KCNQ4: variants seen among roughly 807,000 people sequenced by gnomAD.
The protein encoded by KCNQ4 is potassium voltage-gated channel subfamily Q member 4, also known as potassium voltage-gated channel subfamily KQT member 4.
A neutral mutation model predicts 72.6 loss-of-function variants in KCNQ4; 31 were observed. The ratio of observed to expected loss-of-function variants is 0.43; its 90% CI spans 0.32 to 0.58. The LOEUF is 0.58. Among genes scored for constraint, KCNQ4 ranks in the 20% least tolerant of loss-of-function variants. The pLI is 0.08. For missense variants in KCNQ4, 869 were observed against 962.6 expected (o/e 0.90, Z 1.29); for synonymous variants, 405 against 403.7 (o/e 1.00, Z -0.04).
chr1:40,814,792 GA>G (rs1648034890), intron 1 of KCNQ4, among the ~76,000 whole-genome samples: 1 of 152,134 alleles, frequency 6.6e-6, no homozygotes. Context: ...ACCACCCATA[GA>G]TAAGCCTTGC....
intron 9 of KCNQ4, among the ~76,000 whole-genome samples, chr1:40,827,809 G>A (rs943722239): frequency 1.3e-5 from 2 of 152,204 alleles, no homozygotes; most frequent in East Asian, 3.8e-4. Flanking sequence ...GTAAAATGCA[G>A]ATGTAAATAG....
chr1:40,819,111 G>C (rs1412438088), intron 4 of KCNQ4: 5 of 486,630 alleles, frequency 1.0e-5, no homozygotes, highest in Non-Finnish European at 1.9e-5. Context: ...CTGGAACCTG[G>C]AGACTCAAGG....
In KCNQ4 at chr1:40,784,283, G is replaced by A; in HGVS notation, c.190G>A (p.Gly64Ser). Reference sequence around the variant, plus strand: ...CGCGCCCCTCCCTGGGCCGGGCTCCGGCTCGGGCTCCGCCTGCGGCCAGCG... The same window carrying A: ...CGCGCCCCTCCCTGGGCCGGGCTCCAGCTCGGGCTCCGCCTGCGGCCAGCG... ...PGAPLPGPGS[G>S]SGSACGQRSS... Residue 64 changes from glycine (G) to serine (S), a missense_variant, in exon 1 of 14, where the codon GGC becomes AGC. Physicochemically the swap from Gly to Ser is moderately conservative, Grantham distance 56. Around this residue, in one of 5 missense-constraint regions of KCNQ4, gnomAD observed 178 missense variants for 145.3 expected, o/e 1.22. Coordinates refer to ENST00000347132, the MANE Select transcript of KCNQ4 (RefSeq NM_004700.4). The surrounding 1 kb of genome is among the most constrained non-coding windows in gnomAD (Gnocchi z 4.1). 1 of 1,559,044 alleles carries A rather than the reference G, an allele frequency of 6.4e-7. No homozygotes were observed. The highest frequency in any genetic ancestry group is 8.6e-7 in the Non-Finnish European group (1 of 1,158,906).
At chr1:40,805,353 A>C (rs1025086118) in intron 1 of KCNQ4, among the ~76,000 whole-genome samples, 15 of 152,096 alleles carry the variant, frequency 9.9e-5, no homozygotes, top group Non-Finnish European at 7.4e-5. Flanking sequence ...TCTCACTCAG[A>C]GTAAAAGCCA....
Position 40,817,237 on chromosome 1 carries a change from AACCC to A in KCNQ4, c.315-27_315-24del. On this transcript the variant is annotated intron_variant, in intron 1 of 13. Coordinates refer to ENST00000347132, the MANE Select transcript of KCNQ4 (RefSeq NM_004700.4). This position sits in a 1 kb window ranked among gnomAD's most constrained non-coding sequence, Gnocchi z 5.5. ...GGCTGTCCTGTCCCTCCAACAATCT[AACCC>A]TCTCCCTCATGTTGTAATTGCAGAT... 2 of 1,545,512 alleles carry A rather than the reference AACCC, an allele frequency of 1.3e-6. No homozygotes were observed. Among genetic ancestry groups the A allele is most frequent in the Non-Finnish European group, 1.8e-6 (2 of 1,118,694 alleles).
intron 1 of KCNQ4, among the ~76,000 whole-genome samples, chr1:40,791,421 G>T (rs1220594975): frequency 6.6e-6 from 1 of 152,174 alleles, no homozygotes; most frequent in African/African-American, 2.4e-5. Flanking sequence ...CCCAGTGGAG[G>T]CTCTGAGGGG....
chr1:40,793,150 A>G (rs1224366369), intron 1 of KCNQ4, among the ~76,000 whole-genome samples: 1 of 150,350 alleles, frequency 6.7e-6, no homozygotes, highest in Non-Finnish European at 1.5e-5. Context: ...CTACAGGCGC[A>G]CACCAAGACA....
intron 1 of KCNQ4, among the ~76,000 whole-genome samples, chr1:40,809,672 C>G (rs1284765126): frequency 6.6e-6 from 1 of 152,224 alleles, no homozygotes; most frequent in Non-Finnish European, 1.5e-5. Context: ...GTGGAGCTTT[C>G]TTGGTCTTTC....
intron 12 of KCNQ4, among the ~76,000 whole-genome samples, chr1:40,837,379 C>T (rs1284263162): frequency 6.6e-6 from 1 of 152,262 alleles, no homozygotes; most frequent in Non-Finnish European, 1.5e-5. Context: ...AGGCATGCGC[C>T]ACTGCGCTGG....
intron 9 of KCNQ4, among the ~76,000 whole-genome samples, chr1:40,824,675 G>A (rs569539936): frequency 6.2e-4 from 94 of 152,322 alleles, no homozygotes; most frequent in African/African-American, 2.1e-3. Context: ...CCATCCTGGG[G>A]TGTGAGGGCA....
rs776543310 is a variant in KCNQ4, at chr1:40,824,137, A to G, written c.1171A>G (p.Asn391Asp). 1 of 1,564,216 alleles carries G rather than the reference A, an allele frequency of 6.4e-7. No individual in the cohort carries two copies. The highest frequency in any genetic ancestry group is 1.4e-5 in the African/African-American group (1 of 73,646). The change falls in exon 9 of 14, where the codon AAT becomes GAT. Residue 391 changes from asparagine (N) to aspartate (D), a missense_variant. Coordinates refer to ENST00000347132, the MANE Select transcript of KCNQ4 (RefSeq NM_004700.4). ...LLFEHVQRAR[N>D]GGLRPLEVRR... The stretch of plus-strand genomic sequence containing the variant: ...GTTTGAGCACGTGCAACGGGCCCGC[A>G]ATGGGGGCCTACGGCCCCTGGAGGT...
rs758112036 is a variant in KCNQ4, at chr1:40,817,131, T to G, written c.315-134T>G. 3 of 752,952 alleles carry G rather than the reference T, an allele frequency of 4.0e-6. No homozygotes were observed. Among genetic ancestry groups the G allele is most frequent in the Non-Finnish European group, 6.9e-6 (3 of 432,016 alleles). The allele number at this position is 752,952 out of a possible 1,614,324, so 46.6% of individuals were successfully genotyped here. ...AGCACAGAGCTGTAACTCCAGGGAA[T>G]TCCAATTCTGATTTCCACATAATTT... On this transcript the variant is annotated intron_variant, in intron 1 of 13. Transcript: ENST00000347132. The surrounding 1 kb of genome is among the most constrained non-coding windows in gnomAD (Gnocchi z 5.5).
chr1:40,831,562 T>C (rs1648648149), intron 10 of KCNQ4, among the ~76,000 whole-genome samples: 1 of 152,258 alleles, frequency 6.6e-6, no homozygotes, highest in Non-Finnish European at 1.5e-5. Context: ...GGAGCGAGAC[T>C]GCCTGGATTT....
chr1:40,811,859 A>G (rs1233808064), intron 1 of KCNQ4, among the ~76,000 whole-genome samples: 2 of 152,188 alleles, frequency 1.3e-5, no homozygotes, highest in African/African-American at 4.8e-5. Flanking sequence ...GAGATTAGAG[A>G]GGGCCCAGGC....
At chr1:40,822,260 G>A (rs1358574150) in intron 7 of KCNQ4, 54 bp from the exon 8 acceptor site, 3 of 1,423,480 alleles carry the variant, frequency 2.1e-6, no homozygotes, top group Admixed American at 1.7e-5. Context: ...GAGGGCTGGT[G>A]GGGACTGAGA....
At chr1:40,818,917 G>T in intron 4 of KCNQ4, 1 of 617,036 alleles carries the variant, frequency 1.6e-6, no homozygotes, top group Non-Finnish European at 2.9e-6. Context: ...GGCCGGAGAG[G>T]CGGGGCTTGA....
chr1:40,817,235 C>G lies in KCNQ4; in HGVS notation c.315-30C>G, dbSNP rs1337528172. 6.3e-7 allele frequency: 1 copy of G among 1,594,076 alleles called. No homozygotes were observed. Among genetic ancestry groups the G allele is most frequent in the East Asian group, 2.2e-5 (1 of 44,778 alleles). Reference sequence around the variant, plus strand: ...TTGGCTGTCCTGTCCCTCCAACAATCTAACCCTCTCCCTCATGTTGTAATT... The same window carrying G: ...TTGGCTGTCCTGTCCCTCCAACAATGTAACCCTCTCCCTCATGTTGTAATT... On this transcript the variant is annotated intron_variant, in intron 1 of 13. Coordinates refer to ENST00000347132, the MANE Select transcript of KCNQ4 (RefSeq NM_004700.4). The surrounding 1 kb of genome is among the most constrained non-coding windows in gnomAD (Gnocchi z 5.5).
intron 4 of KCNQ4, 53 bp downstream of exon 4, chr1:40,818,733 C>A: frequency 1.3e-6 from 2 of 1,537,106 alleles, no homozygotes; most frequent in Non-Finnish European, 1.8e-6. Flanking sequence ...GGGGCACGAC[C>A]AGAGCGGGCA....
chr1:40,798,212 C>G (rs1026159212), intron 1 of KCNQ4, among the ~76,000 whole-genome samples: 7 of 152,126 alleles, frequency 4.6e-5, no homozygotes, highest in Admixed American at 4.6e-4. Flanking sequence ...AGAGCCCAGA[C>G]CAGAACCCAG....
Sources: gnomAD v4.1 joint callset for allele counts (sites outside exome capture counted in the v4.1 genomes callset) on GRCh38, gnomAD v4.1.1 for gene constraint, gnomAD v4.1.1 regional missense constraint, Gnocchi (gnomAD v3.1) non-coding constraint, MANE v1.5 for transcripts, NCBI Gene and HGNC (gene_info 2026-07-23, HGNC 2026-07-21) for gene names.